The following PCDH15 variants were observed in gnomAD, a reference collection of about 807,000 sequenced individuals.
PCDH15 encodes the protein protocadherin related 15.
PCDH15 carries 129 observed loss-of-function variants against 178.5 expected under a neutral mutation model. The ratio of observed to expected loss-of-function variants is 0.72; its 90% CI spans 0.63 to 0.84. The LOEUF (loss-of-function observed/expected upper bound fraction) is 0.84, where lower values mean the gene tolerates loss of function less well. Among genes scored for constraint, PCDH15 ranks in the 40% least tolerant of loss-of-function variants. The pLI is 0.00. For synonymous variants in PCDH15, 800 were observed against 732.0 expected (o/e 1.09, Z -1.50); for missense variants, 2,230 against 2,099.9 (o/e 1.06, Z -1.21).
intron 2 of PCDH15, among the ~76,000 whole-genome samples, chr10:54,544,136 T>C (rs1022030221): frequency 1.3e-5 from 2 of 152,132 alleles, no homozygotes; most frequent in African/African-American, 4.8e-5. Context: ...AGTAATTTGA[T>C]CTGACATTTC....
chr10:54,237,244 G>A (rs1254475583), intron 8 of PCDH15, among the ~76,000 whole-genome samples: 1 of 152,074 alleles, frequency 6.6e-6, no homozygotes, highest in Non-Finnish European at 1.5e-5. Context: ...AAAAGAAATA[G>A]CAGCCTATCA....
intron 2 of PCDH15, among the ~76,000 whole-genome samples, chr10:55,394,060 C>A (rs1047446257): frequency 6.6e-6 from 1 of 151,994 alleles, no homozygotes; most frequent in Non-Finnish European, 1.5e-5. Context: ...AAAACCCAAC[C>A]AGCCCCTTCC....
intron 2 of PCDH15, among the ~76,000 whole-genome samples, chr10:54,600,870 G>A (rs2092489527): frequency 6.6e-6 from 1 of 151,972 alleles, no homozygotes. Context: ...TCAAATGCAT[G>A]ATACTGTATG....
At chr10:55,464,648 A>ATATG (rs1839790801) in intron 2 of PCDH15, among the ~76,000 whole-genome samples, 1 of 13,190 alleles carries the variant, frequency 7.6e-5, no homozygotes. Context: ...ATATATATAT[A>ATATG]TATATATGTG....
chr10:55,408,308 G>GC (rs1413863789), intron 2 of PCDH15, among the ~76,000 whole-genome samples: 1 of 151,088 alleles, frequency 6.6e-6, no homozygotes, highest in Non-Finnish European at 1.5e-5. Flanking sequence ...GCCTCAGCTT[G>GC]CCGAGTAGCT....
intron 2 of PCDH15, among the ~76,000 whole-genome samples, chr10:54,662,382 T>C (rs1462777860): frequency 5.9e-5 from 9 of 151,964 alleles, no homozygotes; most frequent in Non-Finnish European, 1.3e-4. Flanking sequence ...TTGTACTTTT[T>C]ATTATCATAT....
At chr10:55,328,865 G>T (rs1844107423) in intron 2 of PCDH15, among the ~76,000 whole-genome samples, 1 of 140,514 alleles carries the variant, frequency 7.1e-6, no homozygotes, top group Admixed American at 7.3e-5. Context: ...ACAAATTTTG[G>T]TATCAACCCC....
intron 8 of PCDH15, among the ~76,000 whole-genome samples, chr10:54,300,894 C>T (rs552173253): frequency 8.7e-4 from 133 of 152,254 alleles, no homozygotes; most frequent in Non-Finnish European, 1.6e-3. Flanking sequence ...GAGCTGGCAG[C>T]GGCAACCTGT....
intron 2 of PCDH15, among the ~76,000 whole-genome samples, chr10:55,494,225 A>G (rs1379429442): frequency 6.6e-6 from 1 of 151,796 alleles, no homozygotes; most frequent in Admixed American, 6.6e-5. Flanking sequence ...AAGATTTTCA[A>G]CTACTATTAT....
At chr10:54,929,671 G>T (rs1837720015) in intron 2 of PCDH15, among the ~76,000 whole-genome samples, 2 of 152,110 alleles carry the variant, frequency 1.3e-5, no homozygotes, top group Non-Finnish European at 2.9e-5. Flanking sequence ...TTAGGAAGTT[G>T]CCAATAGTTT....
chr10:55,461,869 T>G (rs1033932990), intron 2 of PCDH15, among the ~76,000 whole-genome samples: 7 of 152,118 alleles, frequency 4.6e-5, no homozygotes, highest in Non-Finnish European at 8.8e-5. Flanking sequence ...TATATTGTGA[T>G]TATCATTCAT....
At chr10:54,643,815 A>T (rs546639392) in intron 2 of PCDH15, among the ~76,000 whole-genome samples, 34 of 145,428 alleles carry the variant, frequency 2.3e-4, no homozygotes, top group African/African-American at 8.7e-4. Context: ...TTTTTTTAAA[A>T]TTTTATTTTA....
chr10:54,633,665 A>G (rs190060362), intron 2 of PCDH15, among the ~76,000 whole-genome samples: 2 of 152,168 alleles, frequency 1.3e-5, no homozygotes, highest in Admixed American at 1.3e-4. Context: ...AACAGTGTAA[A>G]TATGTCCTCC....
intron 1 of PCDH15, among the ~76,000 whole-genome samples, chr10:55,270,482 G>A (rs1842414756): frequency 6.6e-6 from 1 of 151,474 alleles, no homozygotes; most frequent in Non-Finnish European, 1.5e-5. Context: ...ATGGGCAAAG[G>A]ATATGAACAG....
At chr10:55,523,514 G>T (rs993121709) in intron 2 of PCDH15, among the ~76,000 whole-genome samples, 39 of 151,598 alleles carry the variant, frequency 2.6e-4, no homozygotes, top group African/African-American at 9.2e-4. Flanking sequence ...AAATACATCT[G>T]AAATTTACTA....
At chr10:54,529,684 T>G (rs73258163) in intron 2 of PCDH15, among the ~76,000 whole-genome samples, 2,677 of 152,252 alleles carry the variant, frequency 0.018, 82 homozygotes, top group African/African-American at 0.06. Context: ...AGCAAATCTC[T>G]GCTTCTTTTT....
chr10:54,961,622 G>A (rs942489321), intron 2 of PCDH15, among the ~76,000 whole-genome samples: 24 of 152,188 alleles, frequency 1.6e-4, no homozygotes, highest in African/African-American at 5.8e-4. Flanking sequence ...ACATTCTTCA[G>A]GGTGACCTGC....
intron 3 of PCDH15, among the ~76,000 whole-genome samples, chr10:54,436,373 T>A (rs934502703): frequency 1.3e-5 from 2 of 151,948 alleles, no homozygotes; most frequent in African/African-American, 4.8e-5. Flanking sequence ...TAATATGCAA[T>A]GTGTTTTGGT....
intron 2 of PCDH15, among the ~76,000 whole-genome samples, chr10:55,420,909 A>C (rs1177165658): frequency 6.6e-6 from 1 of 151,746 alleles, no homozygotes; most frequent in Non-Finnish European, 1.5e-5. Flanking sequence ...AAGAAGATAA[A>C]TTAAATGATT....
Sources: allele counts gnomAD v4.1 joint callset (sites outside exome capture counted in the v4.1 genomes callset), GRCh38; gene constraint gnomAD v4.1.1; transcripts MANE v1.5; gene names NCBI Gene and HGNC (gene_info 2026-07-23, HGNC 2026-07-21).